Variants in KCNQ2 observed in about 807,000 individuals in gnomAD.
The protein encoded by KCNQ2 is potassium voltage-gated channel subfamily KQT member 2.
KCNQ2 carries 14 observed loss-of-function variants against 84.8 expected under a neutral mutation model. The observed-to-expected ratio is 0.17, with a 90% CI of 0.11 to 0.26. The LOEUF (loss-of-function observed/expected upper bound fraction) is 0.26, where lower values mean the gene tolerates loss of function less well. Ranked by LOEUF, KCNQ2 falls within the 10% of genes least tolerant of loss-of-function variation. KCNQ2 has a pLI of 1.00. For missense variants in KCNQ2, 788 were observed against 1,254.0 expected, an observed-to-expected ratio of 0.63 and a Z score of 5.61; for synonymous variants, 599 against 554.1, an observed-to-expected ratio of 1.08 and a Z score of -1.14.
chr20:63,470,787 G>A (rs1275770620), intron 1 of KCNQ2: 1 of 152,184 alleles, frequency 6.6e-6, no homozygotes, highest in Non-Finnish European at 1.5e-5. Context: ...GGGGCCATCA[G>A]GGGAGGCCAT....
intron 1 of KCNQ2, among the ~76,000 whole-genome samples, chr20:63,453,515 T>C (rs2145828334): frequency 6.6e-6 from 1 of 152,350 alleles, no homozygotes; most frequent in African/African-American, 2.4e-5. Flanking sequence ...GGGTTTTCTC[T>C]GAACTCTCAG....
At chr20:63,448,431 G>T (rs566199897) in intron 1 of KCNQ2, 1 of 152,274 alleles carries the variant, frequency 6.6e-6, no homozygotes, top group Non-Finnish European at 1.5e-5. Context: ...CAGAGCAGCC[G>T]CTTCCCCGTG....
intron 9 of KCNQ2, among the ~76,000 whole-genome samples, chr20:63,430,742 G>A (rs2080765222): frequency 6.6e-6 from 1 of 152,250 alleles, no homozygotes; most frequent in South Asian, 2.1e-4. Flanking sequence ...GGGTTCCCCT[G>A]TGATGCCAGG....
chr20:63,445,073 C>T (rs1178071148), intron 3 of KCNQ2, among the ~76,000 whole-genome samples, 165 bp downstream of exon 3: 6 of 152,228 alleles, frequency 3.9e-5, no homozygotes, highest in Non-Finnish European at 5.9e-5. Flanking sequence ...GCAGAGTTAA[C>T]CACAGCCTCT....
intron 10 of KCNQ2, 86 bp from the exon 11 acceptor site, chr20:63,424,292 A>G: frequency 1.2e-5 from 17 of 1,457,382 alleles, no homozygotes; most frequent in Non-Finnish European, 1.5e-5. Flanking sequence ...CCACAGTCCC[A>G]TGGGTCAGGG....
chr20:63,469,092 C>T (rs2082148104), intron 1 of KCNQ2, among the ~76,000 whole-genome samples: 1 of 152,216 alleles, frequency 6.6e-6, no homozygotes, highest in Admixed American at 6.5e-5. Flanking sequence ...TGGAGCAGTG[C>T]CCGGCTCCAG....
intron 1 of KCNQ2, among the ~76,000 whole-genome samples, chr20:63,450,291 G>A (rs556888224): frequency 3.3e-5 from 5 of 151,344 alleles, no homozygotes; most frequent in African/African-American, 9.7e-5. Flanking sequence ...ACACGTGCCG[G>A]ACGAGGGCGG....
At chr20:63,428,990 G>C (rs1000345827) in intron 9 of KCNQ2, among the ~76,000 whole-genome samples, 1 of 151,988 alleles carries the variant, frequency 6.6e-6, no homozygotes, top group Non-Finnish European at 1.5e-5. Flanking sequence ...GGAATCCTCC[G>C]CAGGTGGCCC....
At chr20:63,464,796 A>C (rs2082041799) in intron 1 of KCNQ2, among the ~76,000 whole-genome samples, 2 of 152,178 alleles carry the variant, frequency 1.3e-5, no homozygotes, top group African/African-American at 4.8e-5. Context: ...CTTGCCAGCC[A>C]ATCAACCACA....
intron 1 of KCNQ2, among the ~76,000 whole-genome samples, chr20:63,465,316 CTGTGG>C (rs1172417852): frequency 2.6e-5 from 4 of 152,266 alleles, no homozygotes; most frequent in African/African-American, 9.6e-5. Context: ...TCCTCCAGCT[CTGTGG>C]GTACAGCTTT....
rs938635696 is a variant in KCNQ2, at chr20:63,400,680, G to A, written c.*5964C>T. 5 of 398,584 alleles carry A rather than the reference G, an allele frequency of 1.3e-5. No individual in the cohort carries two copies. Among genetic ancestry groups the A allele is most frequent in the Non-Finnish European group, 1.8e-5 (4 of 226,088 alleles). 24.7% of individuals were successfully genotyped at this position (398,584 alleles called of 1,614,324 possible). On this transcript the variant is annotated 3_prime_UTR_variant, in exon 17 of 17. Coordinates refer to ENST00000359125, the MANE Select transcript of KCNQ2 (RefSeq NM_172107.4). The surrounding 1 kb of genome is among the most constrained non-coding windows in gnomAD (Gnocchi z 8.7). ...GCAGCCACCGTCACGGCCAGAGGAT[G>A]GCAGACTGCAATGGCGTGGGGCGCG...
At chr20:63,465,800 G>T (rs1490586885) in intron 1 of KCNQ2, among the ~76,000 whole-genome samples, 1 of 152,192 alleles carries the variant, frequency 6.6e-6, no homozygotes, top group African/African-American at 2.4e-5. Flanking sequence ...GCCAAGTGTT[G>T]TCGGAAGGCA....
intron 4 of KCNQ2, among the ~76,000 whole-genome samples, chr20:63,443,421 C>T (rs1386752244): frequency 0.19 from 6,431 of 34,040 alleles, 913 homozygotes; most frequent in African/African-American, 0.39. Flanking sequence ...ACCATCACCA[C>T]CATCATCACC....
At chr20:63,413,704 T>G in intron 14 of KCNQ2, 123 bp from the exon 15 acceptor site, 3 of 1,041,730 alleles carry the variant, frequency 2.9e-6, no homozygotes, top group Non-Finnish European at 4.3e-6. Context: ...CCCTCTTGTC[T>G]GCCGCCCACC....
At chr20:63,451,723 C>CCA (rs2081621208) in intron 1 of KCNQ2, among the ~76,000 whole-genome samples, 1 of 152,054 alleles carries the variant, frequency 6.6e-6, no homozygotes, top group Non-Finnish European at 1.5e-5. Context: ...AGTCATCTCC[C>CCA]CACTGAACAC....
chr20:63,421,647 G>A (rs996859033), intron 11 of KCNQ2, among the ~76,000 whole-genome samples: 3 of 152,138 alleles, frequency 2.0e-5, no homozygotes, highest in Admixed American at 6.5e-5. Context: ...AAAAACACGC[G>A]GACACGTGTG....
intron 8 of KCNQ2, 95 bp downstream of exon 8, chr20:63,433,714 A>C (rs201225420): frequency 1.9e-6 from 3 of 1,603,110 alleles, no homozygotes; most frequent in East Asian, 2.2e-5. Flanking sequence ...AAAAAAAATC[A>C]ATCAAAATAA....
In KCNQ2 at chr20:63,425,817, G is replaced by A. The variant is rs776761203; in HGVS notation, c.1218-1611C>T. 6.6e-6 allele frequency among the ~76,000 whole-genome samples: 1 copy of A among 152,206 alleles called. No individual in the cohort carries two copies. Among genetic ancestry groups the A allele is most frequent in the Non-Finnish European group, 1.5e-5 (1 of 68,028 alleles). Reference sequence around the variant, plus strand: ...TAAATCAGGTATGTGTGAGACCGTGGGTGTGCGCCAACCTGGGGCTAAAGT... The same window carrying A: ...TAAATCAGGTATGTGTGAGACCGTGAGTGTGCGCCAACCTGGGGCTAAAGT... On this transcript the variant is annotated intron_variant, in intron 10 of 16. Transcript: ENST00000359125. The surrounding 1 kb of genome is among the most constrained non-coding windows in gnomAD (Gnocchi z 5.5).
rs1190618146 is a variant in KCNQ2 at position 63,404,847 on chromosome 20, G to C, written c.*1797C>G. Reference sequence around the variant, plus strand: ...GGACAGTGGCTTCCGAGGCCTCCCAGTTGGCACCTTTTTGGGACAGGCTCC... The same window carrying C: ...GGACAGTGGCTTCCGAGGCCTCCCACTTGGCACCTTTTTGGGACAGGCTCC... On this transcript the variant is annotated 3_prime_UTR_variant, in exon 17 of 17. Transcript: ENST00000359125. The C allele has an allele frequency of 6.6e-6, 1 of 152,344 alleles. No individual in the cohort carries two copies. Among genetic ancestry groups the C allele is most frequent in the Admixed American group, 6.5e-5 (1 of 15,290 alleles). The allele number at this position is 152,344 out of a possible 1,614,324, so 9.4% of individuals were successfully genotyped here.
Sources: allele counts gnomAD v4.1 joint callset (sites outside exome capture counted in the v4.1 genomes callset), GRCh38; gene constraint gnomAD v4.1.1; non-coding constraint Gnocchi (gnomAD v3.1); transcripts MANE v1.5; gene names NCBI Gene and HGNC (gene_info 2026-07-23, HGNC 2026-07-21).